CMBL: variants seen among roughly 807,000 people sequenced by gnomAD.
CMBL encodes the protein carboxymethylenebutenolidase homolog (Pseudomonas).
Under a neutral mutation model 28.7 loss-of-function variants are expected in CMBL, and 17 were observed. The ratio of observed to expected loss-of-function variants is 0.59; its 90% CI spans 0.41 to 0.89. The LOEUF is 0.89. CMBL is among the 40% of genes least tolerant of loss of function. The pLI is 0.00. For missense variants in CMBL, 310 were observed against 298.5 expected, an observed-to-expected ratio of 1.04 and a Z score of -0.28; for synonymous variants, 106 against 101.6, an observed-to-expected ratio of 1.04 and a Z score of -0.26.
rs1746421316 is a variant in CMBL, at chr5:10,277,816, A to C, written c.*2637T>G. On this transcript the variant is annotated 3_prime_UTR_variant, in exon 6 of 6. Coordinates refer to ENST00000296658, the MANE Select transcript of CMBL (RefSeq NM_138809.4). Reference sequence around the variant, plus strand: ...GACATTTGACCAAAGGACTCAGCAGAGGGAAGGCTGCCCAGGCCCCAAGCT... The same window carrying C: ...GACATTTGACCAAAGGACTCAGCAGCGGGAAGGCTGCCCAGGCCCCAAGCT... 6.6e-6 allele frequency among the ~76,000 whole-genome samples: 1 copy of C among 152,236 alleles called. No homozygotes were observed. Among genetic ancestry groups the C allele is most frequent in the Non-Finnish European group, 1.5e-5 (1 of 68,038 alleles).
intron 1 of CMBL, among the ~76,000 whole-genome samples, chr5:10,302,411 A>T (rs1398004356): frequency 6.6e-6 from 1 of 151,986 alleles, no homozygotes; most frequent in East Asian, 1.9e-4. Context: ...TTGGAAGGCC[A>T]AGGCTGGTGG....
At chr5:10,288,575 A>T (rs749611445) in intron 2 of CMBL, 46 bp from the exon 3 acceptor site, 6 of 1,376,880 alleles carry the variant, frequency 4.4e-6, no homozygotes, top group Middle Eastern at 1.8e-4. Flanking sequence ...GAGTTGCTTG[A>T]CTCAGTATTT....
rs535762197 is a variant in CMBL at position 10,277,739 on chromosome 5, C to T, written c.*2714G>A. Among the ~76,000 whole-genome samples the T allele has an allele frequency of 2.2e-4, 33 of 152,156 alleles. 1 individual carries two copies. Among genetic ancestry groups the T allele is most frequent in the African/African-American group, 6.7e-4 (28 of 41,500 alleles). Reference sequence around the variant, plus strand: ...AAGAACATATCTTTTTAAAGAAGTACGTGTGTGACTTACATTATACTTCTA... The same window carrying T: ...AAGAACATATCTTTTTAAAGAAGTATGTGTGTGACTTACATTATACTTCTA... On this transcript the variant is annotated 3_prime_UTR_variant, in exon 6 of 6. Transcript: ENST00000296658.
chr5:10,280,452 G>A lies in CMBL; in HGVS notation c.*1C>T. 1 of 1,575,370 alleles carries A rather than the reference G, an allele frequency of 6.3e-7. No individual in the cohort carries two copies. Among genetic ancestry groups the A allele is most frequent in the Non-Finnish European group, 8.7e-7 (1 of 1,151,660 alleles). On this transcript the variant is annotated 3_prime_UTR_variant, in exon 6 of 6. Transcript: ENST00000296658. ...CTAGGAAGGCTTGCCCTTGATTCTTGCTACATGTACTTGTTCAGCCACTCA... is the reference window on the plus strand; with the variant it reads ...CTAGGAAGGCTTGCCCTTGATTCTTACTACATGTACTTGTTCAGCCACTCA...
chr5:10,287,837 A>T (rs1459496981), intron 3 of CMBL, among the ~76,000 whole-genome samples: 3 of 151,602 alleles, frequency 2.0e-5, no homozygotes, highest in African/African-American at 7.3e-5. Flanking sequence ...CAGCCTCCCA[A>T]GTAGCTGGGA....
intron 4 of CMBL, among the ~76,000 whole-genome samples, chr5:10,285,698 T>C (rs147197899): frequency 3.0e-5 from 2 of 65,740 alleles, no homozygotes; most frequent in African/African-American, 3.7e-5. Context: ...CTCTTTCTTT[T>C]TCTTTTTTTT....
intron 1 of CMBL, among the ~76,000 whole-genome samples, chr5:10,294,909 T>A (rs986175471): frequency 6.6e-6 from 1 of 152,132 alleles, no homozygotes; most frequent in Admixed American, 6.5e-5. Context: ...GGACTTCAGT[T>A]TGGGGCATAT....
chr5:10,297,509 G>C (rs543067778), intron 1 of CMBL, among the ~76,000 whole-genome samples: 4 of 149,514 alleles, frequency 2.7e-5, no homozygotes, highest in South Asian at 2.1e-4. Flanking sequence ...GCAGAGGTTA[G>C]AGTGAGCTGA....
intron 1 of CMBL, among the ~76,000 whole-genome samples, chr5:10,302,361 AG>A (rs1344425042): frequency 2.0e-5 from 3 of 152,022 alleles, no homozygotes; most frequent in African/African-American, 7.2e-5. Context: ...GACAGGAAGG[AG>A]GGGCTAGGCT....
In CMBL at chr5:10,280,230, C is replaced by T. The variant is rs1746474894; in HGVS notation, c.*223G>A. ...CTGGAATTACAGGCATGAGGCACTA[C>T]ACCTGGTCAGACCTTGTTTTTAAAT... On this transcript the variant is annotated 3_prime_UTR_variant, in exon 6 of 6. Transcript: ENST00000296658. 2 of 408,026 alleles carry T rather than the reference C, an allele frequency of 4.9e-6. No homozygotes were observed. Among genetic ancestry groups the T allele is most frequent in the Non-Finnish European group, 8.8e-6 (2 of 227,802 alleles). 25.3% of individuals were successfully genotyped at this position (408,026 alleles called of 1,614,324 possible).
intron 5 of CMBL, among the ~76,000 whole-genome samples, chr5:10,281,566 C>T (rs538739627): frequency 6.6e-6 from 1 of 152,280 alleles, no homozygotes; most frequent in East Asian, 1.9e-4. Context: ...TCCTTATCAA[C>T]TGACTTTGTT....
rs923305448 is a variant in CMBL, at chr5:10,290,738, G to A, written c.25C>T (p.Pro9Ser). 1 of 1,614,192 alleles carries A rather than the reference G, an allele frequency of 6.2e-7. No individual in the cohort carries two copies. The highest frequency in any genetic ancestry group is 1.3e-5 in the African/African-American group (1 of 75,046). Residue 9 changes from proline to serine, a missense_variant, in exon 2 of 6, where the codon CCG becomes TCG. Pro to Ser is a moderately conservative substitution (Grantham distance 74, BLOSUM62 -1). Transcript: ENST00000296658. Reference sequence around the variant, plus strand: ...TCAAGTCTGTGGCCAATGTCACACGGACAAGGATAAGCTTCGTTAGCCATT... The same window carrying A: ...TCAAGTCTGTGGCCAATGTCACACGAACAAGGATAAGCTTCGTTAGCCATT... MANEAYPC[P>S]CDIGHRLEYG...
chr5:10,290,374 G>C, intron 2 of CMBL, 174 bp downstream of exon 2: 1 of 624,072 alleles, frequency 1.6e-6, no homozygotes, highest in South Asian at 2.0e-5. Context: ...CCAGGTGGGT[G>C]TTTAATTTCC....
chr5:10,287,547 C>A (rs568335689), intron 3 of CMBL, among the ~76,000 whole-genome samples: 1 of 152,238 alleles, frequency 6.6e-6, no homozygotes, highest in Admixed American at 6.5e-5. Context: ...CTGTACACTA[C>A]TCGGTGACAG....
rs180751705 is a variant in CMBL at position 10,299,156 on chromosome 5, G to C, written c.-19-8375C>G. ...AAAGTGAGAAAACAAGATAGACTAGGAGAAGGTATTATTTTAGGAACAGAG... is the reference window on the plus strand; with the variant it reads ...AAAGTGAGAAAACAAGATAGACTAGCAGAAGGTATTATTTTAGGAACAGAG... On this transcript the variant is annotated intron_variant, in intron 1 of 5. Coordinates refer to ENST00000296658, the MANE Select transcript of CMBL (RefSeq NM_138809.4). 7.2e-5 allele frequency among the ~76,000 whole-genome samples: 11 copies of C among 152,202 alleles called. No homozygotes were observed. In the East Asian group the frequency reaches 2.1e-3, roughly 29 times the overall value.
At chr5:10,304,776 T>C (rs1031333286) in intron 1 of CMBL, among the ~76,000 whole-genome samples, 2 of 152,164 alleles carry the variant, frequency 1.3e-5, no homozygotes, top group Non-Finnish European at 2.9e-5. Flanking sequence ...AACATGTTTT[T>C]TTTTTAACTT....
rs554270524 is a variant in CMBL at position 10,279,059 on chromosome 5, A to C, written c.*1394T>G. Among the ~76,000 whole-genome samples the C allele has an allele frequency of 1.2e-4, 19 of 152,322 alleles. No individual in the cohort carries two copies. Among genetic ancestry groups the C allele is most frequent in the African/African-American group, 4.1e-4 (17 of 41,570 alleles). On this transcript the variant is annotated 3_prime_UTR_variant, in exon 6 of 6. Coordinates refer to ENST00000296658, the MANE Select transcript of CMBL (RefSeq NM_138809.4). ...AACTACAACATCAAGTCACTTGCCC[A>C]AAGTCACATGTACGCACCCCGTAGG...
intron 4 of CMBL, among the ~76,000 whole-genome samples, chr5:10,285,788 T>C (rs576065292): frequency 6.6e-6 from 1 of 150,846 alleles, no homozygotes; most frequent in South Asian, 2.1e-4. Flanking sequence ...GCCTTGACCT[T>C]CTTGGGCTCA....
At chr5:10,297,421 T>G (rs1395130572) in intron 1 of CMBL, among the ~76,000 whole-genome samples, 1 of 151,770 alleles carries the variant, frequency 6.6e-6, no homozygotes, top group East Asian at 1.9e-4. Flanking sequence ...AATACAAAAA[T>G]TAGCCAGGCA....
Sources: allele counts gnomAD v4.1 joint callset (sites outside exome capture counted in the v4.1 genomes callset), GRCh38; gene constraint gnomAD v4.1.1; transcripts MANE v1.5; gene names NCBI Gene and HGNC (gene_info 2026-07-23, HGNC 2026-07-21).